AJM1: variants seen among roughly 807,000 people sequenced by gnomAD.
The protein encoded by AJM1 is uncharacterized protein C9orf172.
A neutral mutation model predicts 43.0 loss-of-function variants in AJM1; 22 were observed. The observed-to-expected ratio is 0.51, with a 90% CI of 0.37 to 0.73. The LOEUF is 0.73. AJM1 is among the 30% of genes least tolerant of loss of function. The pLI, the probability that AJM1 is intolerant of heterozygous loss-of-function variation, is 0.00. For missense variants in AJM1, 1,305 were observed against 1,343.3 expected (o/e 0.97, Z 0.45); for synonymous variants, 719 against 638.3 (o/e 1.13, Z -1.91).
rs770928663 is a variant in AJM1 at position 136,846,813 on chromosome 9, C to A, written c.2399C>A (p.Ala800Glu). 4 of 1,591,184 alleles carry A rather than the reference C, an allele frequency of 2.5e-6. No individual in the cohort carries two copies. Among genetic ancestry groups the A allele is most frequent in the Admixed American group, 1.7e-5 (1 of 59,034 alleles). ...CTGGGCAGCTACGCGCGCGAGCTGGCGGCCGCTGGGCGCCTCTACGAACCG... is the reference window on the plus strand; with the variant it reads ...CTGGGCAGCTACGCGCGCGAGCTGGAGGCCGCTGGGCGCCTCTACGAACCG... ...APLGSYAREL[A>E]AAGRLYEPAE... Residue 800 changes from alanine (A) to glutamate (E), a missense_variant, in exon 3 of 3, where the codon GCG becomes GAG. Physicochemically the swap from Ala to Glu is moderately radical, Grantham distance 107. Around this residue, in one of 6 missense-constraint regions of AJM1, gnomAD observed 391 missense variants for 507.5 expected, o/e 0.77. Coordinates refer to ENST00000436881, the MANE Select transcript of AJM1 (RefSeq NM_001080482.5).
rs1295903520 is a variant in AJM1 at position 136,845,887 on chromosome 9, C to T, written c.1473C>T (p.Pro491=). The part of the protein sequence containing the change: ...RGVSPEGRRP[P]VVVNLSTSPR... ...TGTCCCCCGAAGGCCGGCGCCCGCC[C>T]GTCGTCGTGAACCTGTCCACCTCTC... Residue 491 remains proline, a synonymous_variant, in exon 3 of 3, where the codon CCC becomes CCT. Coordinates refer to ENST00000436881, the MANE Select transcript of AJM1 (RefSeq NM_001080482.5). 2 of 1,558,266 alleles carry T rather than the reference C, an allele frequency of 1.3e-6. No individual in the cohort carries two copies. Among genetic ancestry groups the T allele is most frequent in the Non-Finnish European group, 8.7e-7 (1 of 1,152,738 alleles).
Position 136,845,452 on chromosome 9 carries a change from G to T in AJM1, c.1038G>T (p.Gly346=), listed in dbSNP as rs781660782. The change falls in exon 3 of 3, where the codon GGG becomes GGT. Residue 346 remains glycine (G), a synonymous_variant. Coordinates refer to ENST00000436881, the MANE Select transcript of AJM1 (RefSeq NM_001080482.5). ...IQEPPSRSYY[G]EAPRAYGLPY... Reference sequence around the variant, plus strand: ...AACCGCCCTCCCGCTCCTACTATGGGGAGGCTCCACGAGCCTACGGCCTGC... The same window carrying T: ...AACCGCCCTCCCGCTCCTACTATGGTGAGGCTCCACGAGCCTACGGCCTGC... 1.2e-6 allele frequency: 2 copies of T among 1,610,876 alleles called. No individual in the cohort carries two copies. Among genetic ancestry groups the T allele is most frequent in the African/African-American group, 2.7e-5 (2 of 74,888 alleles).
rs1277837969 is a variant in AJM1, at chr9:136,845,624, T to C, written c.1210T>C (p.Trp404Arg). ...HPRSSPAWAD[W>R]GPRPYRTLQV... ...GCGCAGCAGCCCGGCCTGGGCGGAC[T>C]GGGGCCCGCGACCGTACCGCACCCT... is the stretch of plus-strand genomic sequence containing the variant. Residue 404 changes from tryptophan (W) to arginine (R), a missense_variant, in exon 3 of 3, where the codon TGG (tryptophan) becomes CGG (arginine). Trp to Arg is a moderately radical substitution (Grantham distance 101, BLOSUM62 -3). This residue lies in a region of AJM1 where 653 missense variants were observed against 549.1 expected (regional missense o/e 1.19). Coordinates refer to ENST00000436881, the MANE Select transcript of AJM1 (RefSeq NM_001080482.5). 6.3e-7 allele frequency: 1 copy of C among 1,578,554 alleles called. No individual in the cohort carries two copies. The highest frequency in any genetic ancestry group is 8.6e-7 in the Non-Finnish European group (1 of 1,168,706).
Position 136,845,018 on chromosome 9 carries a change from CG to C in AJM1, c.608del (p.Gly203AlafsTer292). On this transcript the variant is annotated frameshift_variant, in exon 3 of 3. Transcript: ENST00000436881. LOFTEE classifies it high-confidence loss of function. ...CGACGCAGTGCTCCAGCACGCCACC[CG>C]GGGCTCGCGGTCCTGCGGGCCCACC... The part of the protein sequence containing the change: ...PDDAVLQHAT[R>X]GSRSCGPTEA... 2 of 685,266 alleles carry C rather than the reference CG, an allele frequency of 2.9e-6. No individual in the cohort carries two copies. The highest frequency in any genetic ancestry group is 2.6e-5 in the Admixed American group (1 of 37,944). 42.4% of individuals were successfully genotyped at this position (685,266 alleles called of 1,614,324 possible).
In AJM1 at chr9:136,844,405, C is replaced by T. The variant is rs1179243674; in HGVS notation, c.-10C>T. ...GAGCTGGAGCCGCCAGCCTGGGGACCTCTTTTAAGATGACCCGTACGGACC... is the reference window on the plus strand; with the variant it reads ...GAGCTGGAGCCGCCAGCCTGGGGACTTCTTTTAAGATGACCCGTACGGACC... On this transcript the variant is annotated 5_prime_UTR_variant, in exon 3 of 3. Transcript: ENST00000436881. The T allele has an allele frequency of 1.9e-6, 3 of 1,607,300 alleles. No homozygotes were observed. Among genetic ancestry groups the T allele is most frequent in the Non-Finnish European group, 1.7e-6 (2 of 1,175,916 alleles).
chr9:136,845,387 G>T lies in AJM1; in HGVS notation c.973G>T (p.Gly325Cys). 6.2e-7 allele frequency: 1 copy of T among 1,612,348 alleles called. No individual in the cohort carries two copies. Among genetic ancestry groups the T allele is most frequent in the African/African-American group, 1.3e-5 (1 of 75,020 alleles). The change falls in exon 3 of 3, where the codon GGC becomes TGC. Residue 325 changes from glycine (G) to cysteine (C), a missense_variant. Transcript: ENST00000436881. ...GGGGCCCAGTCCAAGGCGCATGGGCGGCTACTACGCAGGAGAGGTGCGCAC... is the reference window on the plus strand; with the variant it reads ...GGGGCCCAGTCCAAGGCGCATGGGCTGCTACTACGCAGGAGAGGTGCGCAC... ...LSGPSPRRMG[G>C]YYAGEVRTFP...
rs751606451 is a variant in AJM1 at position 136,846,504 on chromosome 9, T to G, written c.2090T>G (p.Leu697Arg). The stretch of plus-strand genomic sequence containing the variant: ...TGCTACACCTACTACTGCTCGCGCC[T>G]GTGCCGCCGCGAGGACTGGGACGCC... ...HSCYTYYCSR[L>R]CRREDWDAHK... The change falls in exon 3 of 3, where the codon CTG (leucine) becomes CGG (arginine). Residue 697 changes from leucine (L) to arginine (R), a missense_variant. Leu to Arg is a moderately radical substitution (Grantham distance 102). Transcript: ENST00000436881. 1 of 1,592,080 alleles carries G rather than the reference T, an allele frequency of 6.3e-7. No homozygotes were observed. Among genetic ancestry groups the G allele is most frequent in the Admixed American group, 1.7e-5 (1 of 59,978 alleles).
In AJM1 at chr9:136,846,877, AC is replaced by A; in HGVS notation, c.2466del (p.Gly823AlafsTer28). The A allele has an allele frequency of 6.5e-7, 1 of 1,544,398 alleles. No homozygotes were observed. The highest frequency in any genetic ancestry group is 1.4e-5 in the African/African-American group (1 of 70,804). The part of the protein sequence containing the change: ...FLLSVSVAVG[P>X]GTAPPGTPAL... ...TGCTCAGCGTGTCCGTGGCCGTGGG[AC>A]CCGGCACCGCGCCACCGGGGACACC... On this transcript the variant is annotated frameshift_variant, in exon 3 of 3. Coordinates refer to ENST00000436881, the MANE Select transcript of AJM1 (RefSeq NM_001080482.5). LOFTEE classifies it high-confidence loss of function.
rs767407177 is a variant in AJM1, at chr9:136,846,923, C to T, written c.2509C>T (p.Pro837Ser). The change falls in exon 3 of 3, where the codon CCA becomes TCA. Residue 837 changes from proline (P) to serine (S), a missense_variant. Around this residue, in one of 6 missense-constraint regions of AJM1, gnomAD observed 391 missense variants for 507.5 expected, o/e 0.77. Transcript: ENST00000436881. ...GACACCGGCCCTGCCCGCGCCCGCG[C>T]CACGCAGCCACGGGCCAACAGTGCG... Reference protein sequence around the residue: ...PGTPALPAPAPRSHGPTVRKF... With the variant: ...PGTPALPAPASRSHGPTVRKF... The T allele has an allele frequency of 1.1e-4, 153 of 1,435,788 alleles. No homozygotes were observed. Among genetic ancestry groups the T allele is most frequent in the Non-Finnish European group, 1.3e-4 (140 of 1,091,528 alleles). The allele number at this position is 1,435,788 out of a possible 1,614,324, so 88.9% of individuals were successfully genotyped here.
chr9:136,844,614 T>TG lies in AJM1; in HGVS notation c.201dup (p.Pro68AlafsTer319). On this transcript the variant is annotated frameshift_variant, in exon 3 of 3. Transcript: ENST00000436881. LOFTEE classifies it low-confidence loss of function (END_TRUNC). ...CTGGACGGGCCGGCCATGGAGACCC[T>TG]GCCGGAGCCACCGCCGCCGGAGTCC... is the stretch of plus-strand genomic sequence containing the variant. 1 of 1,563,226 alleles carries TG rather than the reference T, an allele frequency of 6.4e-7. No individual in the cohort carries two copies. Among genetic ancestry groups the TG allele is most frequent in the Non-Finnish European group, 8.6e-7 (1 of 1,156,802 alleles).
At position 136,847,108 on chromosome 9, in the gene AJM1, C is replaced by T. The variant is rs1279800280; in HGVS notation, c.2694C>T (p.Ala898=). 6.4e-6 allele frequency: 10 copies of T among 1,562,602 alleles called. No individual in the cohort carries two copies. The highest frequency in any genetic ancestry group is 4.2e-5 in the African/African-American group (3 of 72,220). Residue 898 remains alanine (A), a synonymous_variant, in exon 3 of 3, where the codon GCC becomes GCT. Coordinates refer to ENST00000436881, the MANE Select transcript of AJM1 (RefSeq NM_001080482.5). ...GEAGRRAREV[A]FIHIQRELRL... is the part of the protein sequence containing the mutation. Reference sequence around the variant, plus strand: ...CGGGCCGGCGCGCGCGCGAGGTGGCCTTCATCCACATCCAGCGCGAGCTGC... The same window carrying T: ...CGGGCCGGCGCGCGCGCGAGGTGGCTTTCATCCACATCCAGCGCGAGCTGC...
Position 136,845,293 on chromosome 9 carries a change from C to A in AJM1, c.879C>A (p.Ser293Arg). The A allele has an allele frequency of 6.2e-7, 1 of 1,610,992 alleles. No individual in the cohort carries two copies. The highest frequency in any genetic ancestry group is 8.5e-7 in the Non-Finnish European group (1 of 1,179,758). ...YTEEPQGFRG[S>R]FAASPGPTFD... ...AGGAGCCCCAAGGCTTCCGGGGCAG[C>A]TTTGCAGCCAGTCCCGGCCCAACCT... The change falls in exon 3 of 3, where the codon AGC becomes AGA. Residue 293 changes from serine to arginine, a missense_variant. This residue lies in a region of AJM1 where 653 missense variants were observed against 549.1 expected (regional missense o/e 1.19). Transcript: ENST00000436881.
chr9:136,844,629 C>A lies in AJM1; in HGVS notation c.215C>A (p.Pro72Gln). 1 of 1,538,820 alleles carries A rather than the reference C, an allele frequency of 6.5e-7. No individual in the cohort carries two copies. Among genetic ancestry groups the A allele is most frequent in the Non-Finnish European group, 8.7e-7 (1 of 1,144,400 alleles). ...PAMETLPEPP[P>Q]PESAVPRART... ...ATGGAGACCCTGCCGGAGCCACCGC[C>A]GCCGGAGTCCGCTGTGCCGCGCGCC... Residue 72 changes from proline (P) to glutamine (Q), a missense_variant, in exon 3 of 3, where the codon CCG becomes CAG. This residue lies in a region of AJM1 where 128 missense variants were observed against 120.6 expected (regional missense o/e 1.06). Coordinates refer to ENST00000436881, the MANE Select transcript of AJM1 (RefSeq NM_001080482.5).
In AJM1 at chr9:136,845,293, C is replaced by T. The variant is rs752437179; in HGVS notation, c.879C>T (p.Ser293=). 45 of 1,610,874 alleles carry T rather than the reference C, an allele frequency of 2.8e-5. 1 individual carries two copies. The South Asian group carries it at 4.1e-4, about 15-fold the overall frequency. Residue 293 remains serine (S), a synonymous_variant, in exon 3 of 3, where the codon AGC becomes AGT. Transcript: ENST00000436881. Reference sequence around the variant, plus strand: ...AGGAGCCCCAAGGCTTCCGGGGCAGCTTTGCAGCCAGTCCCGGCCCAACCT... The same window carrying T: ...AGGAGCCCCAAGGCTTCCGGGGCAGTTTTGCAGCCAGTCCCGGCCCAACCT... The part of the protein sequence containing the change: ...YTEEPQGFRG[S]FAASPGPTFD...
rs1848807664 is a variant in AJM1 at position 136,848,163 on chromosome 9, C to T, written c.*818C>T. 6.6e-6 allele frequency: 1 copy of T among 152,516 alleles called. No homozygotes were observed. Among genetic ancestry groups the T allele is most frequent in the African/African-American group, 2.4e-5 (1 of 41,462 alleles). 9.4% of individuals were successfully genotyped at this position (152,516 alleles called of 1,614,324 possible). On this transcript the variant is annotated 3_prime_UTR_variant, in exon 3 of 3. Coordinates refer to ENST00000436881, the MANE Select transcript of AJM1 (RefSeq NM_001080482.5). ...TCTCCCAGCCGAAGGGGCAGGGGAC[C>T]TGAACAGGGGAAGCAGAGCACCTGG...
chr9:136,847,064 C>G lies in AJM1; in HGVS notation c.2650C>G (p.Leu884Val), dbSNP rs1848787305. 1 of 1,427,552 alleles carries G rather than the reference C, an allele frequency of 7.0e-7. No individual in the cohort carries two copies. Among genetic ancestry groups the G allele is most frequent in the African/African-American group, 1.5e-5 (1 of 67,312 alleles). 88.4% of individuals were successfully genotyped at this position (1,427,552 alleles called of 1,614,324 possible). A position where few individuals can be genotyped will look rare whatever the true frequency, so the allele number is the denominator to read the frequency against. ...ILTPPPGTAG[L>V]DQDGEAGRRA... The stretch of plus-strand genomic sequence containing the variant: ...GACGCCACCGCCGGGCACGGCGGGC[C>G]TGGATCAGGACGGCGAGGCGGGCCG... The change falls in exon 3 of 3, where the codon CTG becomes GTG. Residue 884 changes from leucine to valine, a missense_variant. Transcript: ENST00000436881.
In AJM1 at chr9:136,845,643, G is replaced by T. The variant is rs750767950; in HGVS notation, c.1229G>T (p.Arg410Leu). 5.1e-6 allele frequency: 8 copies of T among 1,577,926 alleles called. No homozygotes were observed. The highest frequency in any genetic ancestry group is 2.3e-5 in the East Asian group (1 of 43,398). Residue 410 changes from arginine (R) to leucine (L), a missense_variant, in exon 3 of 3, where the codon CGC (arginine) becomes CTC (leucine). By Grantham distance (102) the Arg-to-Leu change is moderately radical. Transcript: ENST00000436881. ...AWADWGPRPY[R>L]TLQVVPPSDP... ...GCGGACTGGGGCCCGCGACCGTACC[G>T]CACCCTGCAAGTGGTGCCGCCCTCT...
At position 136,844,346 on chromosome 9, in the gene AJM1, C is replaced by G; in HGVS notation, c.-59-10C>G. On this transcript the variant is annotated splice_polypyrimidine_tract_variant and intron_variant, in intron 2 of 2. Transcript: ENST00000436881. ...CGGAGGGGGCCGCCCTGACCCGCGT[C>G]TCCCCCCAGGGCAAAAGCCCCGCAA... 4 of 1,348,562 alleles carry G rather than the reference C, an allele frequency of 3.0e-6. No individual in the cohort carries two copies. The highest frequency in any genetic ancestry group is 2.4e-5 in the East Asian group (1 of 41,068). The allele number at this position is 1,348,562 out of a possible 1,614,324, so 83.5% of individuals were successfully genotyped here.
rs1005644921 is a variant in AJM1, at chr9:136,846,306, C to G, written c.1892C>G (p.Ser631Trp). ...SGAPALAPPRSPPASAGSAEE... is the reference protein window; with the variant it reads ...SGAPALAPPRWPPASAGSAEE... Reference sequence around the variant, plus strand: ...GCCCCCGCGCTGGCGCCGCCACGCTCGCCCCCCGCCTCGGCCGGCAGCGCC... The same window carrying G: ...GCCCCCGCGCTGGCGCCGCCACGCTGGCCCCCCGCCTCGGCCGGCAGCGCC... Residue 631 changes from serine to tryptophan, a missense_variant, in exon 3 of 3, where the codon TCG (serine) becomes TGG (tryptophan). Ser to Trp is a radical substitution (Grantham distance 177, BLOSUM62 -3). Around this residue, in one of 6 missense-constraint regions of AJM1, gnomAD observed 391 missense variants for 507.5 expected, o/e 0.77. Coordinates refer to ENST00000436881, the MANE Select transcript of AJM1 (RefSeq NM_001080482.5). 8.6e-7 allele frequency: 1 copy of G among 1,161,976 alleles called. No individual in the cohort carries two copies. Among genetic ancestry groups the G allele is most frequent in the South Asian group, 3.9e-5 (1 of 25,722 alleles). The allele number at this position is 1,161,976 out of a possible 1,614,324, so 72.0% of individuals were successfully genotyped here.
Sources: allele counts gnomAD v4.1 joint callset, GRCh38; gene constraint gnomAD v4.1.1; regional missense constraint gnomAD v4.1.1; transcripts MANE v1.5; gene names NCBI Gene and HGNC (gene_info 2026-07-23, HGNC 2026-07-21).